The following ZNF572 variants were observed in gnomAD, a reference collection of about 807,000 sequenced individuals.
The protein encoded by ZNF572 is zinc finger protein 572.
A neutral mutation model predicts 3.8 loss-of-function variants in ZNF572; 2 were observed. That is an observed-to-expected ratio of 0.52 (90% confidence interval 0.21 to 1.65). The LOEUF (loss-of-function observed/expected upper bound fraction) is 1.65, where lower values mean the gene tolerates loss of function less well. ZNF572 is among the 40% of genes most tolerant of loss of function. ZNF572 has a pLI of 0.20. For missense variants in ZNF572, 581 were observed against 633.4 expected, an observed-to-expected ratio of 0.92 and a Z score of 0.89; for synonymous variants, 187 against 204.5, an observed-to-expected ratio of 0.91 and a Z score of 0.73.
chr8:124,976,823 G>T lies in ZNF572; in HGVS notation c.555G>T (p.Glu185Asp). The T allele has an allele frequency of 6.2e-7, 1 of 1,614,218 alleles. No individual in the cohort carries two copies. Among genetic ancestry groups the T allele is most frequent in the Non-Finnish European group, 8.5e-7 (1 of 1,180,032 alleles). The change falls in exon 3 of 3, where the codon GAG becomes GAT. Residue 185 changes from glutamate (E) to aspartate (D), a missense_variant. Coordinates refer to ENST00000319286, the MANE Select transcript of ZNF572 (RefSeq NM_152412.3). ...LIQHLRMHTG[E>D]KPYQCGECGK... ...AGCATCTAAGAATGCACACAGGAGA[G>T]AAGCCCTACCAGTGTGGTGAATGTG...
At position 124,977,215 on chromosome 8, in the gene ZNF572, TA is replaced by T; in HGVS notation, c.951del (p.Lys317AsnfsTer55). On this transcript the variant is annotated frameshift_variant, in exon 3 of 3. Transcript: ENST00000319286. LOFTEE classifies it low-confidence loss of function (END_TRUNC). Reference sequence around the variant, plus strand: ...AGCTTTGGTTGTAATTCTACTCTAATAAAACATCAGAGAATACATACAGGAG... The same window carrying T: ...AGCTTTGGTTGTAATTCTACTCTAATAAACATCAGAGAATACATACAGGAG... ...EKSFGCNSTL[I>X]KHQRIHTGEK... 6.2e-7 allele frequency: 1 copy of T among 1,612,492 alleles called. No individual in the cohort carries two copies. The highest frequency in any genetic ancestry group is 8.5e-7 in the Non-Finnish European group (1 of 1,180,012).
chr8:124,974,811 C>T (rs1814486400), intron 1 of ZNF572, among the ~76,000 whole-genome samples: 1 of 152,132 alleles, frequency 6.6e-6, no homozygotes, highest in Admixed American at 6.5e-5. Context: ...CCTGCCTCAG[C>T]CCCCTGAGTA....
chr8:124,976,461 C>T lies in ZNF572; in HGVS notation c.193C>T (p.His65Tyr), dbSNP rs1219590940. 1 of 1,613,966 alleles carries T rather than the reference C, an allele frequency of 6.2e-7. No homozygotes were observed. Among genetic ancestry groups the T allele is most frequent in the East Asian group, 2.2e-5 (1 of 44,882 alleles). The part of the protein sequence containing the change: ...SKRHRPQHYK[H>Y]EDAKEMPLTW... ...AAGACATAGACCACAACATTATAAGCATGAGGATGCAAAAGAAATGCCACT... is the reference window on the plus strand; with the variant it reads ...AAGACATAGACCACAACATTATAAGTATGAGGATGCAAAAGAAATGCCACT... The change falls in exon 3 of 3, where the codon CAT becomes TAT. Residue 65 changes from histidine to tyrosine, a missense_variant. Coordinates refer to ENST00000319286, the MANE Select transcript of ZNF572 (RefSeq NM_152412.3).
rs924078384 is a variant in ZNF572 at position 124,975,731 on chromosome 8, A to G, written c.79+12A>G. 1 of 1,608,828 alleles carries G rather than the reference A, an allele frequency of 6.2e-7. No homozygotes were observed. Among genetic ancestry groups the G allele is most frequent in the African/African-American group, 1.3e-5 (1 of 74,954 alleles). Reference sequence around the variant, plus strand: ...AAGCCCTTTCACAGGTGAGGGATCAAGACGATGATCTGAATCCTTAGGAAA... The same window carrying G: ...AAGCCCTTTCACAGGTGAGGGATCAGGACGATGATCTGAATCCTTAGGAAA... On this transcript the variant is annotated intron_variant, in intron 2 of 2. Coordinates refer to ENST00000319286, the MANE Select transcript of ZNF572 (RefSeq NM_152412.3).
In ZNF572 at chr8:124,976,850, G is replaced by A. The variant is rs1413862118; in HGVS notation, c.582G>A (p.Gly194=). The A allele has an allele frequency of 4.3e-6, 7 of 1,613,602 alleles. No individual in the cohort carries two copies. The highest frequency in any genetic ancestry group is 5.9e-6 in the Non-Finnish European group (7 of 1,179,936). ...GEKPYQCGEC[G]KSFSNTSHLI... The stretch of plus-strand genomic sequence containing the variant: ...AGCCCTACCAGTGTGGTGAATGTGG[G>A]AAAAGCTTCAGCAATACCTCCCATC... Residue 194 remains glycine, a synonymous_variant, in exon 3 of 3, where the codon GGG becomes GGA. Coordinates refer to ENST00000319286, the MANE Select transcript of ZNF572 (RefSeq NM_152412.3).
chr8:124,976,642 C>A lies in ZNF572; in HGVS notation c.374C>A (p.Ser125Ter). Residue 125 changes from serine to a stop codon, truncating the protein, a stop_gained, in exon 3 of 3, where the codon TCA (serine) becomes TAA (stop). Coordinates refer to ENST00000319286, the MANE Select transcript of ZNF572 (RefSeq NM_152412.3). LOFTEE classifies it low-confidence loss of function (END_TRUNC). ...ACCAATGCCTGTGTCCAGCAGAATT[C>A]ATCCTTTGTAGACAGACCCTATAAA... is the stretch of plus-strand genomic sequence containing the variant. The part of the protein sequence containing the change: ...EHTNACVQQN[S>*]SFVDRPYKCS... 1 of 1,614,206 alleles carries A rather than the reference C, an allele frequency of 6.2e-7. No individual in the cohort carries two copies. The highest frequency in any genetic ancestry group is 8.5e-7 in the Non-Finnish European group (1 of 1,180,032).
In ZNF572 at chr8:124,978,029, A is replaced by T; in HGVS notation, c.*171A>T. 1.4e-6 allele frequency: 1 copy of T among 689,872 alleles called. No homozygotes were observed. Among genetic ancestry groups the T allele is most frequent in the South Asian group, 2.2e-5 (1 of 45,864 alleles). 42.7% of individuals were successfully genotyped at this position (689,872 alleles called of 1,614,324 possible). A position where few individuals can be genotyped will look rare whatever the true frequency, so the allele number is the denominator to read the frequency against. On this transcript the variant is annotated 3_prime_UTR_variant, in exon 3 of 3. Coordinates refer to ENST00000319286, the MANE Select transcript of ZNF572 (RefSeq NM_152412.3). ...AAGACCCCAATCACCAGGTTATTGG[A>T]TCTGTCCAGTGAGAGATTCATCCAC...
Position 124,977,672 on chromosome 8 carries a change from C to G in ZNF572, c.1404C>G (p.Tyr468Ter). Residue 468 changes from tyrosine to a stop codon, truncating the protein, a stop_gained, in exon 3 of 3, where the codon TAC becomes TAG. Coordinates refer to ENST00000319286, the MANE Select transcript of ZNF572 (RefSeq NM_152412.3). LOFTEE classifies it low-confidence loss of function (END_TRUNC). ...GGACCCACATAGGGGAAAAACCTTA[C>G]AAATGTACCAGCTGTGAGAAATGCT... ...HRRTHIGEKP[Y>*]KCTSCEKCFS... The G allele has an allele frequency of 6.2e-7, 1 of 1,614,204 alleles. No individual in the cohort carries two copies. Among genetic ancestry groups the G allele is most frequent in the Non-Finnish European group, 8.5e-7 (1 of 1,180,038 alleles).
Position 124,977,757 on chromosome 8 carries a change from T to C in ZNF572, c.1489T>C (p.Ser497Pro), listed in dbSNP as rs777296844. The change falls in exon 3 of 3, where the codon TCT becomes CCT. Residue 497 changes from serine (S) to proline (P), a missense_variant. Ser to Pro is a moderately conservative substitution (Grantham distance 74). Transcript: ENST00000319286. Reference protein sequence around the residue: ...RKIHVEKPFESPDVGDFPHEW... With the variant: ...RKIHVEKPFEPPDVGDFPHEW... ...AATTCACGTAGAAAAGCCTTTTGAGTCTCCCGACGTTGGGGATTTTCCTCA... is the reference window on the plus strand; with the variant it reads ...AATTCACGTAGAAAAGCCTTTTGAGCCTCCCGACGTTGGGGATTTTCCTCA... 1.4e-5 allele frequency: 23 copies of C among 1,614,094 alleles called. No homozygotes were observed. The East Asian group carries it at 5.1e-4, about 36-fold the overall frequency.
intron 1 of ZNF572, among the ~76,000 whole-genome samples, chr8:124,974,011 C>T (rs1228345728): frequency 2.6e-5 from 4 of 152,136 alleles, no homozygotes; most frequent in Non-Finnish European, 5.9e-5. Flanking sequence ...CACCCCCTTC[C>T]TTTTTTTGCA....
rs748400507 is a variant in ZNF572 at position 124,976,704 on chromosome 8, C to T, written c.436C>T (p.His146Tyr). Residue 146 changes from histidine to tyrosine, a missense_variant, in exon 3 of 3, where the codon CAT becomes TAT. Physicochemically the swap from His to Tyr is moderately conservative, Grantham distance 83 (BLOSUM62 2). Transcript: ENST00000319286. ...TTGGAAAAGCTTCAGTAATAGTTCT[C>T]ATTTGCGTACTCACCAGAGGACCCA... ...ECWKSFSNSS[H>Y]LRTHQRTHSG... 2 of 1,614,168 alleles carry T rather than the reference C, an allele frequency of 1.2e-6. No individual in the cohort carries two copies. Among genetic ancestry groups the T allele is most frequent in the South Asian group, 1.1e-5 (1 of 91,066 alleles).
At chr8:124,974,993 ATAGACT>A (rs1177216387) in intron 1 of ZNF572, among the ~76,000 whole-genome samples, 1 of 152,184 alleles carries the variant, frequency 6.6e-6, no homozygotes, top group African/African-American at 2.4e-5. Context: ...TGTGAATATG[ATAGACT>A]TAGGAACTAA....
Position 124,978,008 on chromosome 8 carries a change from C to T in ZNF572, c.*150C>T. The T allele has an allele frequency of 1.3e-6, 1 of 792,420 alleles. No homozygotes were observed. The allele number at this position is 792,420 out of a possible 1,614,324, so 49.1% of individuals were successfully genotyped here. A position where few individuals can be genotyped will look rare whatever the true frequency, so the allele number is the denominator to read the frequency against. On this transcript the variant is annotated 3_prime_UTR_variant, in exon 3 of 3. Coordinates refer to ENST00000319286, the MANE Select transcript of ZNF572 (RefSeq NM_152412.3). ...CCTCCCAGTTTAAAGGATGGGAAGA[C>T]CCCAATCACCAGGTTATTGGATCTG...
chr8:124,974,369 G>A (rs1814477033), intron 1 of ZNF572, among the ~76,000 whole-genome samples: 1 of 152,168 alleles, frequency 6.6e-6, no homozygotes, highest in South Asian at 2.1e-4. Flanking sequence ...CCTTAGGAAA[G>A]TTTCTTAATA....
At position 124,976,599 on chromosome 8, in the gene ZNF572, T is replaced by A. The variant is rs769060783; in HGVS notation, c.331T>A (p.Trp111Arg). ...GGAGGAAAAACCCAATCACCAGGAA[T>A]GGGACTCAGGAGAACATACCAATGC... ...KEEEKPNHQE[W>R]DSGEHTNACV... Residue 111 changes from tryptophan (W) to arginine (R), a missense_variant, in exon 3 of 3, where the codon TGG becomes AGG. By Grantham distance (101) the Trp-to-Arg change is moderately radical (BLOSUM62 -3). Coordinates refer to ENST00000319286, the MANE Select transcript of ZNF572 (RefSeq NM_152412.3). The A allele has an allele frequency of 6.2e-7, 1 of 1,614,170 alleles. No individual in the cohort carries two copies. Among genetic ancestry groups the A allele is most frequent in the East Asian group, 2.2e-5 (1 of 44,876 alleles).
At position 124,977,023 on chromosome 8, in the gene ZNF572, G is replaced by C; in HGVS notation, c.755G>C (p.Gly252Ala). 1 of 1,613,802 alleles carries C rather than the reference G, an allele frequency of 6.2e-7. No homozygotes were observed. The highest frequency in any genetic ancestry group is 8.5e-7 in the Non-Finnish European group (1 of 1,180,020). The stretch of plus-strand genomic sequence containing the variant: ...TATGAATGTTCTGTCTGCGGAAAAG[G>C]CTTCAGTCACAGCTATGTCCTAATA... Reference protein sequence around the residue: ...KPYECSVCGKGFSHSYVLIEH... With the variant: ...KPYECSVCGKAFSHSYVLIEH... Residue 252 changes from glycine to alanine, a missense_variant, in exon 3 of 3, where the codon GGC becomes GCC. Transcript: ENST00000319286.
At chr8:124,974,490 A>T (rs915995749) in intron 1 of ZNF572, among the ~76,000 whole-genome samples, 1 of 152,266 alleles carries the variant, frequency 6.6e-6, no homozygotes, top group Non-Finnish European at 1.5e-5. Flanking sequence ...TACCTGGCAC[A>T]TAATAGGCAG....
chr8:124,975,810 T>C, intron 2 of ZNF572, 91 bp downstream of exon 2: 1 of 988,738 alleles, frequency 1.0e-6, no homozygotes, highest in East Asian at 2.4e-5. Context: ...ATTTAATTCC[T>C]TGTTCTGTCA....
chr8:124,974,606 C>T (rs1814480273), intron 1 of ZNF572, among the ~76,000 whole-genome samples: 1 of 152,178 alleles, frequency 6.6e-6, no homozygotes. Flanking sequence ...TAATGATACT[C>T]TTTATATTCT....
Sources: gnomAD v4.1 joint callset for allele counts (sites outside exome capture counted in the v4.1 genomes callset) on GRCh38, gnomAD v4.1.1 for gene constraint, MANE v1.5 for transcripts, NCBI Gene and HGNC (gene_info 2026-07-23, HGNC 2026-07-21) for gene names.